The following MAL2 variants were observed in gnomAD, a reference collection of about 807,000 sequenced individuals.
MAL2 encodes protein MAL2.
MAL2 carries 17 observed loss-of-function variants against 18.1 expected under a neutral mutation model. The ratio of observed to expected loss-of-function variants is 0.94; its 90% CI spans 0.64 to 1.41. The LOEUF (loss-of-function observed/expected upper bound fraction) is 1.41, where lower values mean the gene tolerates loss of function less well. Ranked by LOEUF, MAL2 falls within the 40% of genes most tolerant of loss-of-function variation. The pLI, the probability that MAL2 is intolerant of heterozygous loss-of-function variation, is 0.00. For synonymous variants in MAL2, 102 were observed against 102.3 expected, an observed-to-expected ratio of 1.00 and a Z score of 0.02; for missense variants, 222 against 231.9, an observed-to-expected ratio of 0.96 and a Z score of 0.28.
Position 119,243,593 on chromosome 8 carries a change from A to T in MAL2, c.*105A>T. On this transcript the variant is annotated 3_prime_UTR_variant, in exon 4 of 4. Transcript: ENST00000614891. ...CCAGATGCAAAAACATTCCAAAAGTAATGTGTTTAGTAGAGAGAGACTCTA... is the reference window on the plus strand; with the variant it reads ...CCAGATGCAAAAACATTCCAAAAGTTATGTGTTTAGTAGAGAGAGACTCTA... 1 of 985,344 alleles carries T rather than the reference A, an allele frequency of 1.0e-6. No homozygotes were observed. Among genetic ancestry groups the T allele is most frequent in the South Asian group, 2.0e-5 (1 of 49,018 alleles). 61.0% of individuals were successfully genotyped at this position (985,344 alleles called of 1,614,324 possible). A position where few individuals can be genotyped will look rare whatever the true frequency, so the allele number is the denominator to read the frequency against.
At chr8:119,232,104 T>A (rs1294963062) in intron 2 of MAL2, among the ~76,000 whole-genome samples, 2 of 149,978 alleles carry the variant, frequency 1.3e-5, no homozygotes, top group East Asian at 3.8e-4. Flanking sequence ...TTTTATATAT[T>A]TTTTTATATA....
rs371871877 is a variant in MAL2 at position 119,219,675 on chromosome 8, G to A, written c.133-1912G>A. Among the ~76,000 whole-genome samples, 54 of 152,252 alleles carry A rather than the reference G, an allele frequency of 3.5e-4. 1 individual carries two copies. The South Asian group carries it at 0.011, about 31-fold the overall frequency. On this transcript the variant is annotated intron_variant, in intron 1 of 3. Coordinates refer to ENST00000614891, the MANE Select transcript of MAL2 (RefSeq NM_052886.3). ...AATCTAGCATAGTACCTGACTGATG[G>A]TTAGGAAAGGATTACTGTGTAGATT...
intron 2 of MAL2, among the ~76,000 whole-genome samples, chr8:119,232,000 G>A (rs969786452): frequency 6.6e-6 from 1 of 151,932 alleles, no homozygotes; most frequent in Admixed American, 6.6e-5. Flanking sequence ...GTACAGCATG[G>A]CAACTATAGT....
intron 2 of MAL2, among the ~76,000 whole-genome samples, chr8:119,236,632 A>T (rs2129899303): frequency 6.6e-6 from 1 of 151,920 alleles, no homozygotes; most frequent in South Asian, 2.1e-4. Flanking sequence ...CTCAGGATTA[A>T]GAATCTCACT....
chr8:119,235,185 G>T (rs554509941), intron 2 of MAL2, among the ~76,000 whole-genome samples: 2 of 152,146 alleles, frequency 1.3e-5, no homozygotes, highest in African/African-American at 2.4e-5. Flanking sequence ...GAGCGAATGC[G>T]ATCAACTGGA....
chr8:119,216,301 G>C (rs1342392111), intron 1 of MAL2, among the ~76,000 whole-genome samples: 1 of 152,142 alleles, frequency 6.6e-6, no homozygotes, highest in Non-Finnish European at 1.5e-5. Context: ...CATGAGAGGG[G>C]CAGAATAGCA....
rs1563768452 is a variant in MAL2 at position 119,214,732 on chromosome 8, T to C, written c.132+6128T>C. On this transcript the variant is annotated intron_variant, in intron 1 of 3. Transcript: ENST00000614891. ...TGGGGAGGAAGAAAGTATAACTCTC[T>C]ATAGCACTCTCAGACATATTTTTAA... is the stretch of plus-strand genomic sequence containing the variant. 3.9e-5 allele frequency among the ~76,000 whole-genome samples: 6 copies of C among 152,348 alleles called. No individual in the cohort carries two copies. In the South Asian group the frequency reaches 1.2e-3, roughly 32 times the overall value.
chr8:119,222,463 G>A (rs1241555298), intron 2 of MAL2, among the ~76,000 whole-genome samples: 1 of 150,936 alleles, frequency 6.6e-6, no homozygotes, highest in African/African-American at 2.4e-5. Context: ...CCGGGAGGCA[G>A]TGAGCCTAGA....
intron 2 of MAL2, among the ~76,000 whole-genome samples, chr8:119,230,350 G>GAAAT (rs1817691301): frequency 6.6e-6 from 1 of 151,136 alleles, no homozygotes; most frequent in Non-Finnish European, 1.5e-5. Flanking sequence ...GAAAGGGGAA[G>GAAAT]AAATAGGATT....
At chr8:119,229,213 T>C (rs1817657025) in intron 2 of MAL2, among the ~76,000 whole-genome samples, 1 of 152,308 alleles carries the variant, frequency 6.6e-6, no homozygotes, top group South Asian at 2.1e-4. Context: ...ATCCCTTCCT[T>C]GTCCCTGAAG....
intron 2 of MAL2, among the ~76,000 whole-genome samples, chr8:119,223,080 TATTCCTTTCAAGTATAACA>T (rs1817503317): frequency 1.3e-5 from 2 of 152,212 alleles, no homozygotes; most frequent in East Asian, 3.9e-4. Context: ...GCTTTATATA[TATTCCTTTCAAGTATAACA>T]GCATGTTATT....
intron 1 of MAL2, among the ~76,000 whole-genome samples, chr8:119,216,378 A>G (rs1817355470): frequency 1.3e-5 from 2 of 152,192 alleles, no homozygotes; most frequent in South Asian, 4.1e-4. Flanking sequence ...ACACTTATTA[A>G]CTATATAACT....
chr8:119,225,913 GTCT>G (rs1485155843), intron 2 of MAL2, among the ~76,000 whole-genome samples: 1 of 152,196 alleles, frequency 6.6e-6, no homozygotes, highest in Non-Finnish European at 1.5e-5. Flanking sequence ...CTGCATAAAT[GTCT>G]TCTTTTGAGA....
chr8:119,232,873 T>A (rs1411594632), intron 2 of MAL2, among the ~76,000 whole-genome samples: 21 of 152,320 alleles, frequency 1.4e-4, no homozygotes, highest in Admixed American at 1.4e-3. Context: ...AGCAGGTTGT[T>A]CAGTTTCCAT....
At chr8:119,217,359 C>T (rs1017878753) in intron 1 of MAL2, among the ~76,000 whole-genome samples, 10 of 152,142 alleles carry the variant, frequency 6.6e-5, no homozygotes, top group Non-Finnish European at 1.5e-4. Context: ...GGTATGTACC[C>T]AGTACACCTA....
At chr8:119,233,541 C>A (rs201896967) in intron 2 of MAL2, among the ~76,000 whole-genome samples, 2 of 152,106 alleles carry the variant, frequency 1.3e-5, no homozygotes, top group Admixed American at 6.5e-5. Context: ...GAGAATACTA[C>A]AAACACCTCT....
intron 2 of MAL2, among the ~76,000 whole-genome samples, chr8:119,232,749 A>ATGC (rs1334698525): frequency 7.9e-5 from 12 of 152,090 alleles, no homozygotes; most frequent in Admixed American, 2.0e-4. Context: ...TGTTATTTAA[A>ATGC]TGCTATTTTA....
chr8:119,231,812 G>A (rs1323757590), intron 2 of MAL2, among the ~76,000 whole-genome samples: 1 of 152,090 alleles, frequency 6.6e-6, no homozygotes, highest in Non-Finnish European at 1.5e-5. Context: ...AAATAAGCCA[G>A]GCACGGAAAG....
Position 119,243,681 on chromosome 8 carries a change from G to T in MAL2, c.*193G>T. 4.9e-6 allele frequency: 2 copies of T among 412,002 alleles called. No individual in the cohort carries two copies. The highest frequency in any genetic ancestry group is 8.5e-6 in the Non-Finnish European group (2 of 235,010). 25.5% of individuals were successfully genotyped at this position (412,002 alleles called of 1,614,324 possible). On this transcript the variant is annotated 3_prime_UTR_variant, in exon 4 of 4. Transcript: ENST00000614891. ...ATTTTATTATGATATTAAAGAAATG[G>T]CCTTTTATTTTACATCTCTCCCCTT...
Sources: allele counts gnomAD v4.1 joint callset (sites outside exome capture counted in the v4.1 genomes callset), GRCh38; gene constraint gnomAD v4.1.1; transcripts MANE v1.5; gene names NCBI Gene and HGNC (gene_info 2026-07-23, HGNC 2026-07-21).